The following NUP214 variants were observed in gnomAD, a reference collection of about 807,000 sequenced individuals.
The protein encoded by NUP214 is nucleoporin 214.
Under a neutral mutation model 196.2 loss-of-function variants are expected in NUP214, and 79 were observed. The observed-to-expected ratio is 0.40, with a 90% CI of 0.34 to 0.49. NUP214 has a LOEUF of 0.49. NUP214 is among the 20% of genes least tolerant of loss of function. NUP214 has a pLI of 0.58. For missense variants in NUP214, 2,468 were observed against 2,539.0 expected (o/e 0.97, Z 0.60); for synonymous variants, 1,020 against 990.5 (o/e 1.03, Z -0.56).
chr9:131,140,435 C>A, intron 10 of NUP214, 114 bp from the exon 11 acceptor site: 1 of 795,618 alleles, frequency 1.3e-6, no homozygotes, highest in Non-Finnish European at 2.0e-6. Context: ...CTAACTTGAG[C>A]TGCTATTCAG....
intron 10 of NUP214, among the ~76,000 whole-genome samples, chr9:131,139,933 G>A (rs7042113): frequency 3.9e-5 from 6 of 152,192 alleles, no homozygotes; most frequent in African/African-American, 1.2e-4. Context: ...TGCCACAAAA[G>A]AAACAGTCTT....
Position 131,197,797 on chromosome 9 carries a change from G to C in NUP214, c.4303G>C (p.Gly1435Arg). 6.2e-7 allele frequency: 1 copy of C among 1,614,028 alleles called. No homozygotes were observed. The highest frequency in any genetic ancestry group is 8.5e-7 in the Non-Finnish European group (1 of 1,180,034). The change falls in exon 29 of 36, where the codon GGC becomes CGC. Residue 1435 changes from glycine (G) to arginine (R), a missense_variant. By Grantham distance (125) the Gly-to-Arg change is moderately radical. Transcript: ENST00000359428. ...TTTTGGTGGGACATCTCTAAGTGCT[G>C]GCAAGACTAGTTTTTCATTTGGAAG... is the stretch of plus-strand genomic sequence containing the variant. ...ISFGGTSLSA[G>R]KTSFSFGSQQ... is the part of the protein sequence containing the mutation.
chr9:131,144,052 T>G (rs1832009013), intron 11 of NUP214, among the ~76,000 whole-genome samples: 1 of 152,230 alleles, frequency 6.6e-6, no homozygotes, highest in Non-Finnish European at 1.5e-5. Flanking sequence ...GAGAAGTCCA[T>G]GAAGTCCAAT....
Position 131,197,459 on chromosome 9 carries a change from T to A in NUP214, c.3965T>A (p.Phe1322Tyr), listed in dbSNP as rs1330070847. 2 of 1,614,116 alleles carry A rather than the reference T, an allele frequency of 1.2e-6. No individual in the cohort carries two copies. Among genetic ancestry groups the A allele is most frequent in the Non-Finnish European group, 1.7e-6 (2 of 1,180,026 alleles). The part of the protein sequence containing the change: ...TPPSKLGELL[F>Y]PSSLAGETLG... ...CCGTCCAAGCTGGGAGAGCTTCTGT[T>A]TCCAAGTTCTTTGGCTGGAGAGACT... The change falls in exon 29 of 36, where the codon TTT becomes TAT. Residue 1322 changes from phenylalanine (F) to tyrosine (Y), a missense_variant. By Grantham distance (22) the Phe-to-Tyr change is conservative. Transcript: ENST00000359428.
chr9:131,149,823 A>T (rs2133511381), intron 14 of NUP214: 1 of 154,398 alleles, frequency 6.5e-6, no homozygotes, highest in South Asian at 2.0e-4. Context: ...CCCTGACTTC[A>T]CAGAGCCCAC....
chr9:131,232,223 G>T lies in NUP214; in HGVS notation c.6215-61G>T. On this transcript the variant is annotated intron_variant, in intron 34 of 35. Coordinates refer to ENST00000359428, the MANE Select transcript of NUP214 (RefSeq NM_005085.4). The surrounding 1 kb of genome is among the most constrained non-coding windows in gnomAD (Gnocchi z 5.1). ...AGAGGAGGGCAGACACTTAGCATGG[G>T]GACCACCTTTGTCTTTCGAGTGGAT... The T allele has an allele frequency of 6.3e-7, 1 of 1,591,954 alleles. No homozygotes were observed. Among genetic ancestry groups the T allele is most frequent in the Middle Eastern group, 1.7e-4 (1 of 6,020 alleles).
At chr9:131,145,999 G>C (rs539221230) in intron 12 of NUP214, 130 bp from the exon 13 acceptor site, 3 of 884,034 alleles carry the variant, frequency 3.4e-6, no homozygotes, top group Non-Finnish European at 5.1e-6. Flanking sequence ...GTTTCCTGAA[G>C]GCAAAAAGTA....
intron 24 of NUP214, 79 bp from the exon 25 acceptor site, chr9:131,187,210 C>A: frequency 8.0e-7 from 1 of 1,246,446 alleles, no homozygotes; most frequent in Non-Finnish European, 1.2e-6. Flanking sequence ...GTATATTGGA[C>A]AGAAGGTTGG....
At chr9:131,175,715 C>G in intron 23 of NUP214, 94 bp downstream of exon 23, 1 of 1,456,474 alleles carries the variant, frequency 6.9e-7, no homozygotes, top group Non-Finnish European at 9.1e-7. Flanking sequence ...AGTGGGCGCT[C>G]TTTGGTGCCC....
At chr9:131,229,682 T>C (rs1295013611) in intron 33 of NUP214, 1 of 517,460 alleles carries the variant, frequency 1.9e-6, no homozygotes, top group Non-Finnish European at 3.9e-6. Context: ...CATGAGCCTG[T>C]CTCCGACCCT....
intron 21 of NUP214, among the ~76,000 whole-genome samples, chr9:131,168,129 A>T (rs373425569): frequency 3.0e-4 from 46 of 152,266 alleles, no homozygotes; most frequent in African/African-American, 1.1e-3. Context: ...GCCTTACGTG[A>T]TCTTCCTGCC....
At chr9:131,155,618 GATT>G (rs1163783672) in intron 17 of NUP214, among the ~76,000 whole-genome samples, 2 of 152,180 alleles carry the variant, frequency 1.3e-5, no homozygotes, top group Non-Finnish European at 1.5e-5. Flanking sequence ...TCAAGTCTTA[GATT>G]TAAGTCTTCG....
At chr9:131,130,137 G>GTTTTTTTTTGTTTT (rs1831491538) in intron 4 of NUP214, among the ~76,000 whole-genome samples, 2 of 76,894 alleles carry the variant, frequency 2.6e-5, no homozygotes, top group Admixed American at 2.1e-4. Flanking sequence ...TTCTGGTTTT[G>GTTTTTTTTTGTTTT]TTTTTTTTTT....
At chr9:131,155,640 T>G (rs1434830095) in intron 17 of NUP214, among the ~76,000 whole-genome samples, 1 of 152,230 alleles carries the variant, frequency 6.6e-6, no homozygotes, top group Non-Finnish European at 1.5e-5. Context: ...CGATCCATCT[T>G]GAGTTGATTT....
intron 14 of NUP214, chr9:131,150,060 G>T: frequency 3.3e-6 from 1 of 306,422 alleles, no homozygotes. Context: ...GAAATTATCA[G>T]ATGTGTTTAT....
chr9:131,223,267 A>G (rs1834613720), intron 32 of NUP214, among the ~76,000 whole-genome samples: 1 of 152,056 alleles, frequency 6.6e-6, no homozygotes, highest in Non-Finnish European at 1.5e-5. Context: ...CCCTGGTTCA[A>G]GCGATTCTCC....
At chr9:131,205,680 C>T (rs1452921566) in intron 30 of NUP214, among the ~76,000 whole-genome samples, 1 of 152,064 alleles carries the variant, frequency 6.6e-6, no homozygotes, top group Non-Finnish European at 1.5e-5. Flanking sequence ...TATAGCTGGC[C>T]TAGGTTTGTT....
intron 31 of NUP214, among the ~76,000 whole-genome samples, chr9:131,216,784 C>G (rs1834412077): frequency 6.6e-6 from 1 of 152,178 alleles, no homozygotes; most frequent in South Asian, 2.1e-4. Context: ...ACCTCAGCCT[C>G]CCAAAGTGCT....
chr9:131,149,137 T>C (rs353504), intron 14 of NUP214, among the ~76,000 whole-genome samples: 147,368 of 152,028 alleles, frequency 0.97, 71,626 homozygotes, highest in South Asian at 1. Flanking sequence ...TCTGTGTCCC[T>C]CTAACCAACC....
Sources: allele counts gnomAD v4.1 joint callset (sites outside exome capture counted in the v4.1 genomes callset), GRCh38; gene constraint gnomAD v4.1.1; non-coding constraint Gnocchi (gnomAD v3.1); transcripts MANE v1.5; gene names NCBI Gene and HGNC (gene_info 2026-07-23, HGNC 2026-07-21).